INSC: variants seen among roughly 807,000 people sequenced by gnomAD.
The protein encoded by INSC is protein inscuteable homolog.
In INSC, 67 loss-of-function variants were observed where a neutral mutation model predicts 58.6. That is an observed-to-expected ratio of 1.14 (90% CI 0.94 to 1.40). INSC has a LOEUF of 1.40. INSC is among the 40% of genes most tolerant of loss of function. The pLI, the probability that INSC is intolerant of heterozygous loss-of-function variation, is 0.00. For synonymous variants in INSC, 262 were observed against 276.1 expected, an observed-to-expected ratio of 0.95 and a Z score of 0.51; for missense variants, 714 against 692.0, an observed-to-expected ratio of 1.03 and a Z score of -0.36.
intron 10 of INSC, 135 bp downstream of exon 10, chr11:15,235,803 C>T (rs1852102476): frequency 1.2e-6 from 1 of 803,332 alleles, no homozygotes; most frequent in African/African-American, 1.7e-5. Flanking sequence ...TGCCTGTAAT[C>T]CCAGCACTTT....
chr11:15,177,231 C>A, intron 4 of INSC, 68 bp downstream of exon 4: 1 of 1,224,344 alleles, frequency 8.2e-7, no homozygotes, highest in South Asian at 1.2e-5. Flanking sequence ...GGGCTGGTAT[C>A]TTCTCCCAGA....
intron 7 of INSC, among the ~76,000 whole-genome samples, chr11:15,211,695 A>G (rs1851031204): frequency 6.6e-6 from 1 of 152,170 alleles, no homozygotes; most frequent in Admixed American, 6.5e-5. Flanking sequence ...ATATATTTCA[A>G]CCTAATTTTA....
chr11:15,178,009 C>T (rs1849631649), intron 4 of INSC, among the ~76,000 whole-genome samples: 1 of 152,198 alleles, frequency 6.6e-6, no homozygotes, highest in South Asian at 2.1e-4. Flanking sequence ...ACCCCAACAT[C>T]ACAGAGAAGA....
intron 1 of INSC, among the ~76,000 whole-genome samples, chr11:15,127,753 A>T (rs1212490939): frequency 6.6e-6 from 1 of 152,172 alleles, no homozygotes; most frequent in Non-Finnish European, 1.5e-5. Context: ...AGCAAGGTGG[A>T]TGGAACTTGG....
At chr11:15,124,105 A>G (rs188033480) in intron 1 of INSC, among the ~76,000 whole-genome samples, 1 of 152,234 alleles carries the variant, frequency 6.6e-6, no homozygotes. Context: ...CCCATCTGTC[A>G]CCCAGCTATC....
At chr11:15,183,993 T>A (rs1328426112) in intron 5 of INSC, among the ~76,000 whole-genome samples, 1 of 152,214 alleles carries the variant, frequency 6.6e-6, no homozygotes, top group Non-Finnish European at 1.5e-5. Flanking sequence ...ACCTTTCTTT[T>A]TCTTTAAATA....
intron 12 of INSC, chr11:15,241,528 T>C: frequency 1.4e-6 from 1 of 701,680 alleles, no homozygotes; most frequent in Non-Finnish European, 2.6e-6. Flanking sequence ...ATTCAATAAA[T>C]GTTTATGGAA....
intron 9 of INSC, among the ~76,000 whole-genome samples, chr11:15,231,221 G>T (rs1235087090): frequency 1.3e-5 from 2 of 152,176 alleles, no homozygotes; most frequent in Non-Finnish European, 2.9e-5. Flanking sequence ...TCCTTGTCTG[G>T]ATTCTTTCTG....
chr11:15,213,453 G>A (rs972278659), intron 7 of INSC, among the ~76,000 whole-genome samples: 2 of 152,128 alleles, frequency 1.3e-5, no homozygotes, highest in African/African-American at 4.8e-5. Flanking sequence ...TCCCAGCTGT[G>A]CCCAGTAGTG....
rs1458547404 is a variant in INSC at position 15,130,262 on chromosome 11, T to A, written c.-46+15259T>A. 3.3e-5 allele frequency among the ~76,000 whole-genome samples: 5 copies of A among 152,346 alleles called. No homozygotes were observed. In the South Asian group the frequency reaches 6.2e-4, roughly 19 times the overall value. On this transcript the variant is annotated intron_variant, in intron 1 of 12. Coordinates refer to ENST00000379556, the MANE Select transcript of INSC (RefSeq NM_001042536.3). ...GATGACCTATAATCAGTTTAAGAGA[T>A]GTCTCTTCTATTTCTAGTTTGCTAA... is the stretch of plus-strand genomic sequence containing the variant.
At chr11:15,145,737 T>C (rs1848476326) in intron 1 of INSC, among the ~76,000 whole-genome samples, 2 of 152,110 alleles carry the variant, frequency 1.3e-5, no homozygotes, top group Admixed American at 1.3e-4. Context: ...ATGACTGCAG[T>C]GTTTGCTTTT....
chr11:15,244,215 G>A (rs892656177), intron 12 of INSC, among the ~76,000 whole-genome samples: 8 of 152,138 alleles, frequency 5.3e-5, no homozygotes, highest in African/African-American at 1.9e-4. Context: ...ATCTTTCCCA[G>A]TTGGAGCCAA....
At chr11:15,167,953 T>A (rs1323711095) in intron 2 of INSC, among the ~76,000 whole-genome samples, 1 of 152,072 alleles carries the variant, frequency 6.6e-6, no homozygotes, top group Non-Finnish European at 1.5e-5. Flanking sequence ...TCTTGCCCAC[T>A]CTCCTCTCCC....
intron 7 of INSC, among the ~76,000 whole-genome samples, chr11:15,203,050 T>C (rs1850655306): frequency 6.6e-6 from 1 of 152,350 alleles, no homozygotes; most frequent in South Asian, 2.1e-4. Context: ...CACCAGAACC[T>C]TGTGAGGTGA....
intron 1 of INSC, among the ~76,000 whole-genome samples, chr11:15,120,932 T>A (rs1477046827): frequency 6.6e-6 from 1 of 150,798 alleles, no homozygotes; most frequent in African/African-American, 2.5e-5. Context: ...TCCATTTACT[T>A]TATTAACTTT....
chr11:15,119,141 G>A (rs1208433202), intron 1 of INSC, among the ~76,000 whole-genome samples: 4 of 152,170 alleles, frequency 2.6e-5, no homozygotes, highest in Non-Finnish European at 5.9e-5. Context: ...TGAGGCTAAG[G>A]GGCTTGACTT....
chr11:15,167,118 A>G (rs562429926), intron 2 of INSC, among the ~76,000 whole-genome samples: 24 of 150,062 alleles, frequency 1.6e-4, no homozygotes, highest in African/African-American at 4.9e-4. Context: ...TTTTTTTGCT[A>G]AACACAAAAA....
chr11:15,159,180 C>T (rs1363135235), intron 2 of INSC, among the ~76,000 whole-genome samples: 1 of 152,150 alleles, frequency 6.6e-6, no homozygotes, highest in Non-Finnish European at 1.5e-5. Flanking sequence ...TCCTTAGGAG[C>T]CTGAGGCTTG....
chr11:15,173,911 C>A (rs1573545), intron 2 of INSC, among the ~76,000 whole-genome samples: 78,524 of 151,950 alleles, frequency 0.52, 21,136 homozygotes, highest in East Asian at 0.93. Context: ...ATTTTTTAAC[C>A]TCGATAACTG....
Sources: allele counts gnomAD v4.1 joint callset (sites outside exome capture counted in the v4.1 genomes callset), GRCh38; gene constraint gnomAD v4.1.1; transcripts MANE v1.5; gene names NCBI Gene and HGNC (gene_info 2026-07-23, HGNC 2026-07-21).